Variants in USP15 observed in about 807,000 individuals in gnomAD.
The protein encoded by USP15 is ubiquitin specific peptidase 15, also known as ubiquitin carboxyl-terminal hydrolase 15.
USP15 carries 18 observed loss-of-function variants against 127.1 expected under a neutral mutation model. The ratio of observed to expected loss-of-function variants is 0.14; its 90% CI spans 0.10 to 0.21. USP15 has a LOEUF of 0.21. USP15 is among the 10% of genes least tolerant of loss of function. USP15 has a pLI of 1.00. For synonymous variants in USP15, 364 were observed against 393.7 expected, an observed-to-expected ratio of 0.92 and a Z score of 0.89; for missense variants, 805 against 1,159.9, an observed-to-expected ratio of 0.69 and a Z score of 4.44.
At position 62,313,288 on chromosome 12, in the gene USP15, G is replaced by A. The variant is rs77845865; in HGVS notation, c.349-1502G>A. Among the ~76,000 whole-genome samples, 1,064 of 151,666 alleles carry A rather than the reference G, an allele frequency of 7.0e-3. 9 individuals are homozygous for A. Among genetic ancestry groups the A allele is most frequent in the African/African-American group, 0.023 (971 of 41,494 alleles). ...AAAATATCTATAGTATTATGAAAAT[G>A]TATTTTCATTTTTAGAAAACTATGC... On this transcript the variant is annotated intron_variant, in intron 3 of 21. Transcript: ENST00000280377.
chr12:62,289,215 C>CTTG (rs143937716), intron 1 of USP15, among the ~76,000 whole-genome samples: 4,316 of 150,612 alleles, frequency 0.029, 153 homozygotes, highest in African/African-American at 0.08. Flanking sequence ...CTCTCCTGAG[C>CTTG]TTGTTGTTGT....
At chr12:62,288,674 T>A (rs2063856693) in intron 1 of USP15, among the ~76,000 whole-genome samples, 1 of 152,150 alleles carries the variant, frequency 6.6e-6, no homozygotes, top group Non-Finnish European at 1.5e-5. Flanking sequence ...TTGTTCCCAT[T>A]TTTAGCAGGA....
intron 8 of USP15, among the ~76,000 whole-genome samples, chr12:62,370,619 G>T (rs73136863): frequency 6.6e-6 from 1 of 152,048 alleles, no homozygotes; most frequent in Non-Finnish European, 1.5e-5. Flanking sequence ...CATTACTGTT[G>T]TCATGATACC....
intron 1 of USP15, among the ~76,000 whole-genome samples, chr12:62,286,805 C>T (rs964331339): frequency 1.6e-4 from 24 of 151,930 alleles, no homozygotes; most frequent in African/African-American, 5.3e-4. Flanking sequence ...GGCGAGGTGG[C>T]GCATGCCTGT....
intron 19 of USP15, 89 bp from the exon 20 acceptor site, chr12:62,396,206 A>G (rs1046656674): frequency 2.4e-6 from 2 of 825,998 alleles, no homozygotes; most frequent in Non-Finnish European, 1.8e-6. Context: ...AGATATATAT[A>G]TGTATGTCAA....
chr12:62,370,068 G>A (rs545517345), intron 8 of USP15, among the ~76,000 whole-genome samples: 3 of 152,164 alleles, frequency 2.0e-5, no homozygotes, highest in Middle Eastern at 3.4e-3. Flanking sequence ...TCTGCCTCCC[G>A]GGTTCAAGCG....
intron 4 of USP15, among the ~76,000 whole-genome samples, chr12:62,316,775 A>C (rs2064842199): frequency 6.6e-6 from 1 of 152,154 alleles, no homozygotes; most frequent in Non-Finnish European, 1.5e-5. Flanking sequence ...TAATTTCTGA[A>C]TTCAAAACAA....
chr12:62,306,981 C>G (rs562780981), intron 3 of USP15, among the ~76,000 whole-genome samples: 1 of 152,208 alleles, frequency 6.6e-6, no homozygotes, highest in Admixed American at 6.5e-5. Flanking sequence ...TATGTGGCTT[C>G]TAAGAACAGG....
chr12:62,350,633 A>T (rs2065940608), intron 7 of USP15, among the ~76,000 whole-genome samples: 1 of 152,030 alleles, frequency 6.6e-6, no homozygotes, highest in South Asian at 2.1e-4. Context: ...ATAAGGGACA[A>T]ACTTTTTTTG....
chr12:62,369,382 A>C (rs2066587731), intron 8 of USP15, among the ~76,000 whole-genome samples: 2 of 151,922 alleles, frequency 1.3e-5, no homozygotes, highest in Non-Finnish European at 2.9e-5. Context: ...AAATTCCCGT[A>C]TCAGAAATCC....
At chr12:62,331,412 A>G (rs2065296032) in intron 6 of USP15, among the ~76,000 whole-genome samples, 1 of 152,212 alleles carries the variant, frequency 6.6e-6, no homozygotes, top group Non-Finnish European at 1.5e-5. Flanking sequence ...GGTGATGTTT[A>G]TTGACATTTA....
chr12:62,401,536 ATAAT>A (rs2067688126), intron 21 of USP15, among the ~76,000 whole-genome samples: 1 of 151,988 alleles, frequency 6.6e-6, no homozygotes, highest in Admixed American at 6.6e-5. Flanking sequence ...TCTAATAAAA[ATAAT>A]TAAGTTTTGC....
intron 6 of USP15, among the ~76,000 whole-genome samples, chr12:62,337,176 G>A (rs2065493293): frequency 6.6e-6 from 1 of 152,138 alleles, no homozygotes; most frequent in African/African-American, 2.4e-5. Flanking sequence ...TTCATCGAAA[G>A]CCCAAATTTT....
intron 6 of USP15, among the ~76,000 whole-genome samples, chr12:62,347,740 T>C (rs1165538906): frequency 6.6e-6 from 1 of 152,124 alleles, no homozygotes; most frequent in East Asian, 1.9e-4. Context: ...GTTTTTGAGT[T>C]TAGTACAGTA....
chr12:62,302,654 T>C (rs1330157614), intron 2 of USP15, 136 bp from the exon 3 acceptor site: 3 of 848,592 alleles, frequency 3.5e-6, no homozygotes, highest in Non-Finnish European at 5.1e-6. Context: ...TGGACACCCC[T>C]GATGTAAGGG....
chr12:62,300,322 G>A (rs2064271835), intron 2 of USP15, among the ~76,000 whole-genome samples: 1 of 152,050 alleles, frequency 6.6e-6, no homozygotes, highest in Admixed American at 6.6e-5. Context: ...AGTTAGTTTT[G>A]TATATGGTGT....
intron 8 of USP15, among the ~76,000 whole-genome samples, chr12:62,360,107 TCTC>T (rs748976036): frequency 5.3e-5 from 8 of 152,108 alleles, no homozygotes; most frequent in Non-Finnish European, 1.0e-4. Context: ...GGATGAAGCA[TCTC>T]CTCAGATGGA....
In USP15 at chr12:62,336,332, C is replaced by G. The variant is rs1381521040; in HGVS notation, c.683+10399C>G. The G allele has an allele frequency of 8.1e-6, 8 of 985,270 alleles. No individual in the cohort carries two copies. In the East Asian group the frequency reaches 7.9e-4, roughly 98 times the overall value. The allele number at this position is 985,270 out of a possible 1,614,324, so 61.0% of individuals were successfully genotyped here. A position where few individuals can be genotyped will look rare whatever the true frequency, so the allele number is the denominator to read the frequency against. Reference sequence around the variant, plus strand: ...CCAAATCTTTTTACCCCTCCTTCTCCCATCCCCTCAACCTAAACTGTCTTC... The same window carrying G: ...CCAAATCTTTTTACCCCTCCTTCTCGCATCCCCTCAACCTAAACTGTCTTC... On this transcript the variant is annotated intron_variant, in intron 6 of 21. Transcript: ENST00000280377.
At chr12:62,359,103 A>AT in intron 8 of USP15, among the ~76,000 whole-genome samples, 1 of 152,214 alleles carries the variant, frequency 6.6e-6, no homozygotes, top group South Asian at 2.1e-4. Context: ...ATTTAAGTAG[A>AT]TATGGTAAAA....
Sources: allele counts gnomAD v4.1 joint callset (sites outside exome capture counted in the v4.1 genomes callset), GRCh38; gene constraint gnomAD v4.1.1; transcripts MANE v1.5; gene names NCBI Gene and HGNC (gene_info 2026-07-23, HGNC 2026-07-21).